SEMA3E: variants seen among roughly 807,000 people sequenced by gnomAD.
SEMA3E encodes the protein semaphorin-3E.
In SEMA3E, 49 loss-of-function variants were observed where a neutral mutation model predicts 93.6. The ratio of observed to expected loss-of-function variants is 0.52; its 90% CI spans 0.42 to 0.66. The LOEUF (loss-of-function observed/expected upper bound fraction) is 0.66. Among genes scored for constraint, SEMA3E ranks in the 30% least tolerant of loss-of-function variants. The probability of loss-of-function intolerance (pLI) is 0.00; values close to 1 mark genes in which losing one functional copy is unlikely to be tolerated. For missense variants in SEMA3E, 906 were observed against 964.8 expected, an observed-to-expected ratio of 0.94 and a Z score of 0.81; for synonymous variants, 363 against 330.7, an observed-to-expected ratio of 1.10 and a Z score of -1.06.
At chr7:83,404,450 C>T (rs750090596) in intron 9 of SEMA3E, among the ~76,000 whole-genome samples, 1 of 151,796 alleles carries the variant, frequency 6.6e-6, no homozygotes, top group African/African-American at 2.4e-5. Flanking sequence ...TTATTCTAGC[C>T]CTGTCAAGAG....
chr7:83,644,495 A>G (rs1024885424), intron 1 of SEMA3E, among the ~76,000 whole-genome samples: 4 of 151,996 alleles, frequency 2.6e-5, no homozygotes, highest in Non-Finnish European at 5.9e-5. Flanking sequence ...AACATTAATA[A>G]TATAAATAGT....
chr7:83,383,035 T>C (rs1324073452), intron 16 of SEMA3E, among the ~76,000 whole-genome samples: 1 of 151,874 alleles, frequency 6.6e-6, no homozygotes, highest in Non-Finnish European at 1.5e-5. Flanking sequence ...GAATCAAAAA[T>C]TTCAGTTAAA....
At chr7:83,539,838 G>C (rs868511002) in intron 1 of SEMA3E, among the ~76,000 whole-genome samples, 1 of 92,528 alleles carries the variant, frequency 1.1e-5, no homozygotes, top group Admixed American at 1.3e-4. Flanking sequence ...TAACTTTTTT[G>C]TTTTGTTTTG....
At chr7:83,418,518 G>T (rs1464141935) in intron 4 of SEMA3E, 35 bp from the exon 5 acceptor site, 1 of 1,349,326 alleles carries the variant, frequency 7.4e-7, no homozygotes, top group Non-Finnish European at 1.1e-6. Flanking sequence ...TTATGAATAT[G>T]CCTCCTCTAA....
chr7:83,406,156 T>G, intron 7 of SEMA3E, 97 bp from the exon 8 acceptor site: 1 of 880,208 alleles, frequency 1.1e-6, no homozygotes, highest in South Asian at 1.3e-5. Context: ...GAGTTATGAC[T>G]TTTTTATTTA....
intron 11 of SEMA3E, 78 bp from the exon 12 acceptor site, chr7:83,396,807 G>A: frequency 7.4e-6 from 7 of 947,488 alleles, no homozygotes; most frequent in Non-Finnish European, 1.2e-5. Flanking sequence ...TAGCTGGCTG[G>A]GTGCAGTAGC....
chr7:83,608,927 A>G (rs1793187664), intron 1 of SEMA3E, among the ~76,000 whole-genome samples: 1 of 152,288 alleles, frequency 6.6e-6, no homozygotes, highest in African/African-American at 2.4e-5. Flanking sequence ...ATAGAATTTC[A>G]TTCATTTGAA....
At chr7:83,510,079 TG>T (rs142656001) in intron 1 of SEMA3E, among the ~76,000 whole-genome samples, 2,170 of 152,298 alleles carry the variant, frequency 0.014, 61 homozygotes, top group African/African-American at 0.048. Context: ...TAATAATGGA[TG>T]TAAAAATGTT....
At chr7:83,372,508 T>A (rs983736053) in intron 16 of SEMA3E, 3 of 366,258 alleles carry the variant, frequency 8.2e-6, no homozygotes, top group African/African-American at 6.2e-5. Flanking sequence ...GGTTGTTTGT[T>A]TGTTGCTTGT....
chr7:83,438,881 T>C (rs181595219), intron 4 of SEMA3E, among the ~76,000 whole-genome samples: 1 of 152,262 alleles, frequency 6.6e-6, no homozygotes, highest in East Asian at 1.9e-4. Context: ...CGTTTAGACA[T>C]GGCAAGGAAA....
intron 4 of SEMA3E, among the ~76,000 whole-genome samples, chr7:83,437,612 C>T (rs1416984153): frequency 6.6e-6 from 1 of 152,008 alleles, no homozygotes; most frequent in African/African-American, 2.4e-5. Context: ...ACTCAAATGA[C>T]TCTTAAAATG....
chr7:83,568,247 A>T (rs562691057), intron 1 of SEMA3E, among the ~76,000 whole-genome samples: 1 of 152,280 alleles, frequency 6.6e-6, no homozygotes, highest in East Asian at 1.9e-4. Flanking sequence ...AACATCTGCC[A>T]ACAAAGAAAA....
intron 4 of SEMA3E, among the ~76,000 whole-genome samples, chr7:83,454,296 T>TATAA (rs1350195502): frequency 0.012 from 1,611 of 130,268 alleles, 47 homozygotes; most frequent in African/African-American, 0.044. Flanking sequence ...TATATATATA[T>TATAA]AATGTGTGTA....
At chr7:83,525,883 G>A (rs1298955164) in intron 1 of SEMA3E, among the ~76,000 whole-genome samples, 2 of 149,152 alleles carry the variant, frequency 1.3e-5, no homozygotes, top group Non-Finnish European at 3.0e-5. Context: ...AGCAGCTCAA[G>A]AATGGAATCT....
In SEMA3E at chr7:83,508,046, T is replaced by C. The variant is rs560718538; in HGVS notation, c.116-17772A>G. On this transcript the variant is annotated intron_variant, in intron 1 of 16. Coordinates refer to ENST00000643230, the MANE Select transcript of SEMA3E (RefSeq NM_012431.3). ...ATAATATAAATTAACAGATATGATA[T>C]TGAGGCATTTAAAACTATCAAGTCT... Among the ~76,000 whole-genome samples the C allele has an allele frequency of 1.6e-3, 237 of 152,260 alleles. 1 individual carries two copies. The highest frequency in any genetic ancestry group is 5.5e-3 in the African/African-American group (229 of 41,546).
intron 4 of SEMA3E, among the ~76,000 whole-genome samples, chr7:83,458,413 G>A (rs1018682892): frequency 6.6e-6 from 1 of 151,966 alleles, no homozygotes; most frequent in Non-Finnish European, 1.5e-5. Flanking sequence ...AAAGACTAAA[G>A]AGATTTTTCA....
At chr7:83,411,367 T>C (rs907978433) in intron 5 of SEMA3E, among the ~76,000 whole-genome samples, 2 of 152,148 alleles carry the variant, frequency 1.3e-5, no homozygotes, top group South Asian at 2.1e-4. Flanking sequence ...ATATAGGTGC[T>C]AAAAACTGTA....
chr7:83,412,141 C>T (rs2709965), intron 5 of SEMA3E, among the ~76,000 whole-genome samples: 76,958 of 151,908 alleles, frequency 0.51, 22,362 homozygotes, highest in East Asian at 0.85. Context: ...TTCCACACCT[C>T]TCTTCTCACT....
intron 14 of SEMA3E, among the ~76,000 whole-genome samples, chr7:83,391,318 C>T (rs891797224): frequency 6.6e-6 from 1 of 152,162 alleles, no homozygotes; most frequent in Non-Finnish European, 1.5e-5. Flanking sequence ...TCATTATCTA[C>T]AATTCCATTC....
Sources: gnomAD v4.1 joint callset for allele counts (sites outside exome capture counted in the v4.1 genomes callset) on GRCh38, gnomAD v4.1.1 for gene constraint, MANE v1.5 for transcripts, NCBI Gene and HGNC (gene_info 2026-07-23, HGNC 2026-07-21) for gene names.